Variants in PHF21A observed in about 807,000 individuals in gnomAD.
PHF21A encodes PHD finger protein 21A, also known as BHC80a.
Under a neutral mutation model 82.5 loss-of-function variants are expected in PHF21A, and 11 were observed. That is an observed-to-expected ratio of 0.13 (90% CI 0.08 to 0.22). The LOEUF (loss-of-function observed/expected upper bound fraction) is 0.22, where lower values mean the gene tolerates loss of function less well. PHF21A is among the 10% of genes least tolerant of loss of function. PHF21A has a pLI of 1.00. For synonymous variants in PHF21A, 297 were observed against 302.8 expected (o/e 0.98, Z 0.20); for missense variants, 579 against 837.8 (o/e 0.69, Z 3.81).
chr11:46,002,385 T>A (rs539060259), intron 6 of PHF21A, among the ~76,000 whole-genome samples: 1 of 152,334 alleles, frequency 6.6e-6, no homozygotes, highest in South Asian at 2.1e-4. Context: ...AATAAACTAA[T>A]TTGTAACTTT....
chr11:46,092,245 A>G lies in PHF21A; in HGVS notation c.-236-22T>C, dbSNP rs1475271427. ...CCCCCTATAACAGAAGAACGGGAAA[A>G]TGGAATTAGACAACACACACATATT... On this transcript the variant is annotated intron_variant, in intron 1 of 18. Coordinates refer to ENST00000676320, the MANE Select transcript of PHF21A (RefSeq NM_001352027.3). The G allele has an allele frequency of 3.3e-5, 5 of 152,302 alleles. No homozygotes were observed. The East Asian group carries it at 9.6e-4, about 29-fold the overall frequency. The allele number at this position is 152,302 out of a possible 1,614,324, so 9.4% of individuals were successfully genotyped here.
intron 6 of PHF21A, among the ~76,000 whole-genome samples, chr11:45,985,877 T>A (rs2094473148): frequency 6.6e-6 from 1 of 152,130 alleles, no homozygotes; most frequent in Non-Finnish European, 1.5e-5. Flanking sequence ...TTTATAGTTC[T>A]CAAGTTGTCA....
In PHF21A at chr11:45,933,818, C is replaced by A; in HGVS notation, c.*150G>T. ...AAGGATCAATTGGCAAACTCTGGTG[C>A]CACCTGGCACAAGCATCTTCTCTCT... On this transcript the variant is annotated 3_prime_UTR_variant, in exon 19 of 19. Transcript: ENST00000676320. 1.5e-6 allele frequency: 1 copy of A among 688,142 alleles called. No individual in the cohort carries two copies. The highest frequency in any genetic ancestry group is 2.3e-6 in the Non-Finnish European group (1 of 436,216). The allele number at this position is 688,142 out of a possible 1,614,324, so 42.6% of individuals were successfully genotyped here. A position where few individuals can be genotyped will look rare whatever the true frequency, so the allele number is the denominator to read the frequency against.
At chr11:46,120,041 C>T (rs1852669110) in intron 1 of PHF21A, among the ~76,000 whole-genome samples, 1 of 148,668 alleles carries the variant, frequency 6.7e-6, no homozygotes, top group Admixed American at 6.7e-5. Context: ...CAGGCAGACT[C>T]TCCGGAATAA....
chr11:46,104,565 A>G (rs556875902), intron 1 of PHF21A, among the ~76,000 whole-genome samples: 1 of 152,278 alleles, frequency 6.6e-6, no homozygotes, highest in African/African-American at 2.4e-5. Flanking sequence ...TTTATCATCT[A>G]TACTCTTTCT....
Position 45,935,696 on chromosome 11 carries a change from A to G in PHF21A, c.1728T>C (p.Asp576=), listed in dbSNP as rs368350444. 1.3e-6 allele frequency: 2 copies of G among 1,521,892 alleles called. No individual in the cohort carries two copies. Among genetic ancestry groups the G allele is most frequent in the African/African-American group, 2.7e-5 (2 of 72,918 alleles). The allele number at this position is 1,521,892 out of a possible 1,614,324, so 94.3% of individuals were successfully genotyped here. A position where few individuals can be genotyped will look rare whatever the true frequency, so the allele number is the denominator to read the frequency against. The part of the protein sequence containing the change: ...EKQKLLKWSS[D]LKQEREQLEQ... ...CTAGTTGTTCTCGTTCTTGTTTTAAATCTGAACTCCATTTAAGTAACTTCT... is the reference window on the plus strand; with the variant it reads ...CTAGTTGTTCTCGTTCTTGTTTTAAGTCTGAACTCCATTTAAGTAACTTCT... The change falls in exon 18 of 19, where the codon GAT becomes GAC. Residue 576 remains aspartate (D), a synonymous_variant. Transcript: ENST00000676320.
At chr11:45,946,565 C>G (rs1292745401) in intron 14 of PHF21A, among the ~76,000 whole-genome samples, 1 of 152,000 alleles carries the variant, frequency 6.6e-6, no homozygotes, top group Non-Finnish European at 1.5e-5. Flanking sequence ...TTAGCAGGGA[C>G]GGGGTTTCAT....
intron 1 of PHF21A, among the ~76,000 whole-genome samples, chr11:46,108,586 T>TATAA (rs886669574): frequency 1.1e-5 from 1 of 94,050 alleles, no homozygotes; most frequent in East Asian, 2.6e-4. Context: ...TATATATATA[T>TATAA]AAAATACATA....
intron 6 of PHF21A, among the ~76,000 whole-genome samples, chr11:45,990,621 A>T (rs2094661959): frequency 6.6e-6 from 1 of 151,744 alleles, no homozygotes; most frequent in Non-Finnish European, 1.5e-5. Context: ...CTTTTACTGT[A>T]TTGTTCTCCA....
intron 1 of PHF21A, among the ~76,000 whole-genome samples, chr11:46,112,333 T>C (rs1382846102): frequency 6.6e-6 from 1 of 152,240 alleles, no homozygotes; most frequent in Non-Finnish European, 1.5e-5. Flanking sequence ...TGAAGCGTGC[T>C]ATTTTTTAAA....
At chr11:45,971,035 G>A in intron 8 of PHF21A, 81 bp downstream of exon 8, 2 of 1,451,838 alleles carry the variant, frequency 1.4e-6, no homozygotes, top group East Asian at 2.3e-5. Context: ...AATCCAGCAG[G>A]AGCCTAGAAG....
intron 6 of PHF21A, among the ~76,000 whole-genome samples, chr11:46,038,528 T>C (rs1357176951): frequency 6.6e-6 from 1 of 152,214 alleles, no homozygotes; most frequent in Non-Finnish European, 1.5e-5. Context: ...TGATTATCTT[T>C]ATTAGTTTAC....
chr11:46,049,071 A>T (rs747624336), intron 6 of PHF21A, among the ~76,000 whole-genome samples: 15 of 152,208 alleles, frequency 9.9e-5, no homozygotes, highest in Non-Finnish European at 2.2e-4. Context: ...AACAGGGATG[A>T]CAATGCTTCA....
chr11:46,069,971 A>G (rs1305375189), intron 6 of PHF21A, among the ~76,000 whole-genome samples: 6 of 152,206 alleles, frequency 3.9e-5, no homozygotes, highest in Admixed American at 1.3e-4. Context: ...TAACTCCTCA[A>G]TGCATAATCC....
chr11:45,969,671 A>T lies in PHF21A; in HGVS notation c.702+144T>A, dbSNP rs1350412669. The T allele has an allele frequency of 8.4e-6, 5 of 594,968 alleles. No homozygotes were observed. The East Asian group carries it at 1.4e-4, about 17-fold the overall frequency. The allele number at this position is 594,968 out of a possible 1,614,324, so 36.9% of individuals were successfully genotyped here. On this transcript the variant is annotated intron_variant, in intron 9 of 18. Transcript: ENST00000676320. ...ATGATGACAAAATAAACTTCTTCAT[A>T]GTACAGAAATCAACAGTCAGAATGT...
chr11:46,017,575 TA>T (rs1270360239), intron 6 of PHF21A, among the ~76,000 whole-genome samples: 4 of 150,238 alleles, frequency 2.7e-5, no homozygotes, highest in African/African-American at 4.9e-5. Flanking sequence ...GATTTGCCCT[TA>T]AGGGGGAAAA....
chr11:46,070,528 G>A (rs190915085), intron 6 of PHF21A, among the ~76,000 whole-genome samples: 3 of 152,046 alleles, frequency 2.0e-5, no homozygotes, highest in South Asian at 2.1e-4. Flanking sequence ...ACAGGGTTTC[G>A]CCATGTTGGC....
At chr11:46,046,754 T>C (rs1236939238) in intron 6 of PHF21A, among the ~76,000 whole-genome samples, 1 of 152,164 alleles carries the variant, frequency 6.6e-6, no homozygotes, top group African/African-American at 2.4e-5. Flanking sequence ...AAACACACTA[T>C]AAAACCCAAC....
intron 9 of PHF21A, among the ~76,000 whole-genome samples, chr11:45,966,949 T>G (rs2093474050): frequency 6.6e-6 from 1 of 152,098 alleles, no homozygotes; most frequent in South Asian, 2.1e-4. Context: ...TTTAAAACTG[T>G]GACCCTGTGG....
Sources: gnomAD v4.1 joint callset for allele counts (sites outside exome capture counted in the v4.1 genomes callset) on GRCh38, gnomAD v4.1.1 for gene constraint, MANE v1.5 for transcripts, NCBI Gene and HGNC (gene_info 2026-07-23, HGNC 2026-07-21) for gene names.